The following POLK variants were observed in gnomAD, a reference collection of about 807,000 sequenced individuals.
POLK encodes polymerase (DNA directed) kappa.
A neutral mutation model predicts 94.0 loss-of-function variants in POLK; 76 were observed. The observed-to-expected ratio is 0.81, with a 90% CI of 0.67 to 0.98. The LOEUF is 0.98. Among genes scored for constraint, POLK ranks in the 50% least tolerant of loss-of-function variants. The pLI, the probability that POLK is intolerant of heterozygous loss-of-function variation, is 0.00. For missense variants in POLK, 954 were observed against 1,010.1 expected (o/e 0.94, Z 0.75); for synonymous variants, 349 against 325.4 (o/e 1.07, Z -0.78).
intron 2 of POLK, among the ~76,000 whole-genome samples, chr5:75,548,565 TTA>T (rs774898495): frequency 6.2e-4 from 94 of 150,564 alleles, no homozygotes; most frequent in Non-Finnish European, 1.2e-3. Flanking sequence ...GTATGTTGTA[TTA>T]TATGTTATGT....
At chr5:75,555,738 G>A (rs932304450) in intron 3 of POLK, among the ~76,000 whole-genome samples, 1 of 151,910 alleles carries the variant, frequency 6.6e-6, no homozygotes, top group Non-Finnish European at 1.5e-5. Context: ...TAGTAGAGAC[G>A]GGGTTTCACC....
At chr5:75,576,995 T>C in intron 6 of POLK, 62 bp downstream of exon 6, 1 of 991,692 alleles carries the variant, frequency 1.0e-6, no homozygotes, top group Non-Finnish European at 1.4e-6. Flanking sequence ...CCACAACTCT[T>C]TGAATTAATC....
the POLK span, among the ~76,000 whole-genome samples, chr5:75,607,483 AAAAG>A: frequency 6.6e-6 from 1 of 151,794 alleles, no homozygotes; most frequent in Non-Finnish European, 1.5e-5. Context: ...AAAAAAAAAA[AAAAG>A]GAAGTACTGT....
intron 1 of POLK, among the ~76,000 whole-genome samples, chr5:75,532,900 G>A (rs186041807): frequency 1.6e-3 from 245 of 152,160 alleles, no homozygotes; most frequent in Non-Finnish European, 2.9e-3. Context: ...AAAAGTATTT[G>A]TTCATGTTTT....
intron 3 of POLK, among the ~76,000 whole-genome samples, chr5:75,555,516 A>C (rs1292199302): frequency 6.6e-6 from 1 of 151,680 alleles, no homozygotes; most frequent in Non-Finnish European, 1.5e-5. Flanking sequence ...TTATGTACTG[A>C]ATATTATTCA....
the POLK span, among the ~76,000 whole-genome samples, chr5:75,607,135 G>A: frequency 6.6e-6 from 1 of 152,116 alleles, no homozygotes; most frequent in East Asian, 1.9e-4. Flanking sequence ...TCCCAGCTAG[G>A]GGTAGCCATG....
intron 1 of POLK, among the ~76,000 whole-genome samples, chr5:75,527,502 TACAC>T (rs58797043): frequency 0.041 from 5,465 of 132,988 alleles, 128 homozygotes; most frequent in Non-Finnish European, 0.056. Context: ...AATTTATATA[TACAC>T]ACACACACAC....
chr5:75,515,405 G>T (rs1369054743), intron 1 of POLK, among the ~76,000 whole-genome samples: 6 of 152,044 alleles, frequency 3.9e-5, no homozygotes, highest in African/African-American at 1.2e-4. Flanking sequence ...CTCCTGCCTT[G>T]GCCTCCCAAA....
chr5:75,556,771 CT>C (rs201903985), intron 3 of POLK, among the ~76,000 whole-genome samples: 4,918 of 150,392 alleles, frequency 0.033, 265 homozygotes, highest in African/African-American at 0.11. Context: ...TGTTAAAAAA[CT>C]CTTTTCTTGC....
chr5:75,573,830 GC>G lies in POLK; in HGVS notation c.507del (p.Asn170ThrfsTer8), dbSNP rs758745741. On this transcript the variant is annotated frameshift_variant, in exon 5 of 15. Transcript: ENST00000241436. LOFTEE classifies it high-confidence loss of function. ...GGCTGTGCCCACAACTTATAATAGT[GC>G]CCCCCAACTTTGACAAATACCGAGC... is the stretch of plus-strand genomic sequence containing the variant. 3 of 1,613,386 alleles carry G rather than the reference GC, an allele frequency of 1.9e-6. No individual in the cohort carries two copies. The highest frequency in any genetic ancestry group is 2.2e-5 in the South Asian group (2 of 91,054).
rs372026257 is a variant in POLK at position 75,581,360 on chromosome 5, C to T, written c.846C>T (p.Asn282=). The change falls in exon 7 of 15, where the codon AAC becomes AAT. Residue 282 remains asparagine (N), a synonymous_variant. Transcript: ENST00000241436. Reference sequence around the variant, plus strand: ...AAAACAATCCTCAAATACTCCAAAACTCAGTTGTTTTTGGAACATCAGCCC... The same window carrying T: ...AAAACAATCCTCAAATACTCCAAAATTCAGTTGTTTTTGGAACATCAGCCC... 22 of 1,613,396 alleles carry T rather than the reference C, an allele frequency of 1.4e-5. No homozygotes were observed. The East Asian group carries it at 4.9e-4, about 36-fold the overall frequency.
chr5:75,590,586 C>A, intron 11 of POLK, 146 bp downstream of exon 11: 1 of 595,152 alleles, frequency 1.7e-6, no homozygotes, highest in South Asian at 2.1e-5. Flanking sequence ...CCCCAACAGT[C>A]AGATACAAAT....
downstream of POLK, among the ~76,000 whole-genome samples, chr5:75,602,788 T>C (rs1485903476): frequency 6.6e-6 from 1 of 152,268 alleles, no homozygotes; most frequent in East Asian, 1.9e-4. Flanking sequence ...TATCAGTCTT[T>C]ACATTGTCCC....
At chr5:75,604,039 C>T (rs547950126), downstream of POLK, among the ~76,000 whole-genome samples, 9 of 152,208 alleles carry the variant, frequency 5.9e-5, no homozygotes, top group South Asian at 2.1e-4. Flanking sequence ...ACAGTAGATA[C>T]GGAGAGTCAT....
intron 1 of POLK, among the ~76,000 whole-genome samples, chr5:75,545,194 T>C (rs1769946018): frequency 6.6e-6 from 1 of 152,244 alleles, no homozygotes; most frequent in Non-Finnish European, 1.5e-5. Flanking sequence ...CAAAATTCTT[T>C]TTATTCTTTG....
chr5:75,576,391 A>G (rs1771873599), intron 5 of POLK, among the ~76,000 whole-genome samples: 1 of 152,204 alleles, frequency 6.6e-6, no homozygotes, highest in Non-Finnish European at 1.5e-5. Flanking sequence ...CACAAAAGGC[A>G]GGAGGGAATA....
intron 1 of POLK, among the ~76,000 whole-genome samples, chr5:75,532,168 G>A (rs975958404): frequency 2.6e-5 from 4 of 152,240 alleles, no homozygotes; most frequent in South Asian, 4.1e-4. Flanking sequence ...CATGGGGTAT[G>A]GTGTACAGAT....
chr5:75,590,334 G>T lies in POLK; in HGVS notation c.1260-10G>T. Reference sequence around the variant, plus strand: ...TACTTTGTGCGCCAAAATTATTCTTGTCTTTCTAGGACATTCAGTGAGATA... The same window carrying T: ...TACTTTGTGCGCCAAAATTATTCTTTTCTTTCTAGGACATTCAGTGAGATA... On this transcript the variant is annotated splice_polypyrimidine_tract_variant and intron_variant, in intron 10 of 14. Coordinates refer to ENST00000241436, the Ensembl canonical transcript of POLK. 2 of 1,498,956 alleles carry T rather than the reference G, an allele frequency of 1.3e-6. No individual in the cohort carries two copies. The highest frequency in any genetic ancestry group is 1.8e-6 in the Non-Finnish European group (2 of 1,097,246). The allele number at this position is 1,498,956 out of a possible 1,614,324, so 92.9% of individuals were successfully genotyped here. A position where few individuals can be genotyped will look rare whatever the true frequency, so the allele number is the denominator to read the frequency against.
intron 4 of POLK, among the ~76,000 whole-genome samples, chr5:75,570,288 C>T (rs1377285164): frequency 6.6e-6 from 1 of 151,994 alleles, no homozygotes; most frequent in East Asian, 1.9e-4. Context: ...TAAATTTTTC[C>T]ATAAGTAACC....
Sources: allele counts gnomAD v4.1 joint callset (sites outside exome capture counted in the v4.1 genomes callset), GRCh38; gene constraint gnomAD v4.1.1; transcripts MANE v1.5; gene names NCBI Gene and HGNC (gene_info 2026-07-23, HGNC 2026-07-21).